Variants in CSMD1 observed in about 807,000 individuals in gnomAD.
CSMD1 encodes the protein CUB and sushi domain-containing protein 1.
A neutral mutation model predicts 417.5 loss-of-function variants in CSMD1; 213 were observed. The ratio of observed to expected loss-of-function variants is 0.51; its 90% CI spans 0.46 to 0.57. CSMD1 has a LOEUF of 0.57. Among genes scored for constraint, CSMD1 ranks in the 20% least tolerant of loss-of-function variants. The pLI is 0.00. For missense variants in CSMD1, 6,923 were observed against 4,529.7 expected (o/e 1.53, Z -15.17); for synonymous variants, 2,862 against 1,736.8 (o/e 1.65, Z -16.11).
chr8:3,187,871 G>A lies in CSMD1; in HGVS notation c.5618C>T (p.Ser1873Leu). Residue 1873 changes from serine (S) to leucine (L), a missense_variant and splice_region_variant, in exon 36 of 70, where the codon TCA becomes TTA. Coordinates refer to ENST00000635120, the MANE Select transcript of CSMD1 (RefSeq NM_033225.6). ...TGAGGAAATTGACTCCATCTTACCT[G>A]AGAAGCTTCCCAGTCTGGGTGCGGT... ...DVTAPRLGSF[S>L]GTTVPALLNS... 1 of 1,612,074 alleles carries A rather than the reference G, an allele frequency of 6.2e-7. No homozygotes were observed. Among genetic ancestry groups the A allele is most frequent in the Non-Finnish European group, 8.5e-7 (1 of 1,178,842 alleles).
chr8:3,891,016 G>A (rs143365725), intron 5 of CSMD1, among the ~76,000 whole-genome samples: 2 of 151,890 alleles, frequency 1.3e-5, no homozygotes, highest in African/African-American at 2.4e-5. Flanking sequence ...TGAAGGCCGT[G>A]AAATAATTGA....
intron 49 of CSMD1, among the ~76,000 whole-genome samples, chr8:3,062,267 A>G (rs76029026): frequency 6.6e-6 from 1 of 152,236 alleles, no homozygotes; most frequent in East Asian, 1.9e-4. Context: ...TACCATTAAT[A>G]CCATGCTGAA....
intron 2 of CSMD1, among the ~76,000 whole-genome samples, chr8:4,523,630 A>C (rs1182732390): frequency 6.6e-6 from 1 of 152,174 alleles, no homozygotes; most frequent in Non-Finnish European, 1.5e-5. Flanking sequence ...CAGAAAACCA[A>C]GGTTCCAGTC....
intron 1 of CSMD1, among the ~76,000 whole-genome samples, chr8:4,728,565 T>A (rs921333429): frequency 1.3e-5 from 2 of 152,170 alleles, no homozygotes; most frequent in Non-Finnish European, 2.9e-5. Flanking sequence ...CTTCATGTCT[T>A]TATTCAGCTC....
chr8:3,999,238 GGAT>G (rs1815468258), intron 4 of CSMD1, among the ~76,000 whole-genome samples: 2 of 151,816 alleles, frequency 1.3e-5, no homozygotes, highest in African/African-American at 4.8e-5. Context: ...ACTGCAATGT[GGAT>G]GATATGTAAA....
chr8:4,728,270 T>C (rs1223919556), intron 1 of CSMD1, among the ~76,000 whole-genome samples: 2 of 150,726 alleles, frequency 1.3e-5, no homozygotes, highest in Non-Finnish European at 3.0e-5. Flanking sequence ...ATGTATATGA[T>C]TTGGGTTGAA....
chr8:4,425,777 G>C (rs1797514674), intron 2 of CSMD1, among the ~76,000 whole-genome samples: 1 of 152,226 alleles, frequency 6.6e-6, no homozygotes, highest in African/African-American at 2.4e-5. Context: ...CAGGTGTCTT[G>C]CAGTAGCAAG....
At chr8:3,363,580 T>C (rs1585055153) in intron 20 of CSMD1, among the ~76,000 whole-genome samples, 2 of 152,054 alleles carry the variant, frequency 1.3e-5, no homozygotes, top group South Asian at 4.1e-4. Context: ...GAGGCTGGAG[T>C]GCAGTGGCGC....
intron 3 of CSMD1, among the ~76,000 whole-genome samples, chr8:4,240,010 G>A (rs777292148): frequency 7.2e-5 from 11 of 152,166 alleles, no homozygotes; most frequent in Admixed American, 2.0e-4. Flanking sequence ...CGTGTTCTGT[G>A]TTTTCAAGAA....
chr8:3,487,595 G>T (rs997895979), intron 11 of CSMD1, among the ~76,000 whole-genome samples: 2 of 152,106 alleles, frequency 1.3e-5, no homozygotes, highest in African/African-American at 2.4e-5. Flanking sequence ...CAAAGTATCG[G>T]GTAAATTTGG....
chr8:3,698,958 C>T (rs1476735354), intron 7 of CSMD1, among the ~76,000 whole-genome samples: 1 of 152,184 alleles, frequency 6.6e-6, no homozygotes, highest in Admixed American at 6.5e-5. Context: ...GTCAGGCATC[C>T]AGGCTGATGA....
In CSMD1 at chr8:3,343,302, G is replaced by C; in HGVS notation, c.3623C>G (p.Thr1208Ser). The change falls in exon 23 of 70, where the codon ACC becomes AGC. Residue 1208 changes from threonine (T) to serine (S), a missense_variant. Thr to Ser is a moderately conservative substitution (Grantham distance 58). Transcript: ENST00000635120. ...GSDTDQGFQL[T>S]YTSFDLVKCE... The stretch of plus-strand genomic sequence containing the variant: ...AGTCGTATGTTACTTACTGGTATAG[G>C]TGAGTTGAAAACCTTGGTCGGTGTC... 1.2e-6 allele frequency: 2 copies of C among 1,613,234 alleles called. No homozygotes were observed. The highest frequency in any genetic ancestry group is 1.7e-4 in the Middle Eastern group (1 of 6,060).
chr8:4,210,476 C>G (rs1204910222), intron 3 of CSMD1, among the ~76,000 whole-genome samples: 1 of 152,278 alleles, frequency 6.6e-6, no homozygotes, highest in East Asian at 1.9e-4. Context: ...GAACTGCAAA[C>G]AGACAATAAT....
At chr8:4,404,326 T>C (rs545961382) in intron 3 of CSMD1, among the ~76,000 whole-genome samples, 43 of 152,314 alleles carry the variant, frequency 2.8e-4, no homozygotes, top group African/African-American at 1.0e-3. Flanking sequence ...TGATGTGGCT[T>C]TCTCCACTGG....
chr8:4,665,736 A>G (rs143441789), intron 1 of CSMD1, among the ~76,000 whole-genome samples: 172 of 152,344 alleles, frequency 1.1e-3, no homozygotes, highest in African/African-American at 4.1e-3. Flanking sequence ...TGGTATGAAT[A>G]TTAAACAATG....
chr8:4,425,246 T>A (rs1183462952), intron 2 of CSMD1, among the ~76,000 whole-genome samples: 2 of 152,024 alleles, frequency 1.3e-5, no homozygotes, highest in Non-Finnish European at 1.5e-5. Flanking sequence ...CTAAGGGATT[T>A]TTAAAACGAG....
At chr8:3,884,855 C>G (rs1339239809) in intron 5 of CSMD1, among the ~76,000 whole-genome samples, 4 of 150,970 alleles carry the variant, frequency 2.6e-5, no homozygotes, top group African/African-American at 4.9e-5. Context: ...ATGAAAATGC[C>G]AAGGCTGAGA....
intron 17 of CSMD1, among the ~76,000 whole-genome samples, chr8:3,394,876 G>A (rs868002217): frequency 2.0e-5 from 3 of 152,064 alleles, no homozygotes; most frequent in African/African-American, 7.2e-5. Flanking sequence ...AATTAAATTT[G>A]AAATTTGTCA....
chr8:3,289,939 C>G (rs1190924100), intron 25 of CSMD1, among the ~76,000 whole-genome samples: 1 of 147,472 alleles, frequency 6.8e-6, no homozygotes, highest in Non-Finnish European at 1.5e-5. Context: ...AGGTTTTCTT[C>G]TAGGGTTTTT....
Sources: allele counts gnomAD v4.1 joint callset (sites outside exome capture counted in the v4.1 genomes callset), GRCh38; gene constraint gnomAD v4.1.1; transcripts MANE v1.5; gene names NCBI Gene and HGNC (gene_info 2026-07-23, HGNC 2026-07-21).